LRGUK: variants seen among roughly 807,000 people sequenced by gnomAD.
The protein encoded by LRGUK is leucine rich repeats and guanylate kinase domain containing, also known as leucine-rich repeat and guanylate kinase domain-containing protein.
Under a neutral mutation model 76.0 loss-of-function variants are expected in LRGUK, and 65 were observed. That is an observed-to-expected ratio of 0.85 (90% confidence interval 0.70 to 1.05). The LOEUF (loss-of-function observed/expected upper bound fraction) is 1.05. Among genes scored for constraint, LRGUK ranks in the 50% least tolerant of loss-of-function variants. The probability of loss-of-function intolerance (pLI) is 0.00; values close to 1 mark genes in which losing one functional copy is unlikely to be tolerated. For missense variants in LRGUK, 758 were observed against 732.8 expected (o/e 1.03, Z -0.40); for synonymous variants, 268 against 265.6 (o/e 1.01, Z -0.09).
intron 5 of LRGUK, among the ~76,000 whole-genome samples, chr7:134,155,193 A>G (rs1466280193): frequency 6.6e-6 from 1 of 152,176 alleles, no homozygotes; most frequent in African/African-American, 2.4e-5. Context: ...GCCTGCTCCA[A>G]GGGTATTTTA....
intron 19 of LRGUK, among the ~76,000 whole-genome samples, chr7:134,261,567 C>T (rs1003906805): frequency 2.3e-4 from 35 of 152,192 alleles, no homozygotes; most frequent in Admixed American, 5.9e-4. Flanking sequence ...TGGCAAGTCT[C>T]AAGTCTCTGC....
intron 10 of LRGUK, 95 bp from the exon 11 acceptor site, chr7:134,183,639 C>A (rs1032380073): frequency 1.4e-6 from 2 of 1,403,582 alleles, no homozygotes; most frequent in Non-Finnish European, 2.0e-6. Flanking sequence ...ATAGCAAGTG[C>A]TCATTTAGCC....
At chr7:134,253,015 C>T (rs1802485342) in intron 18 of LRGUK, among the ~76,000 whole-genome samples, 1 of 152,180 alleles carries the variant, frequency 6.6e-6, no homozygotes, top group African/African-American at 2.4e-5. Flanking sequence ...GACCCAATTG[C>T]ATCAGCCTTT....
chr7:134,159,566 GGATC>G (rs1798634245), intron 6 of LRGUK, among the ~76,000 whole-genome samples: 1 of 152,030 alleles, frequency 6.6e-6, no homozygotes, highest in Non-Finnish European at 1.5e-5. Context: ...TAAGGCGGGT[GGATC>G]ATGAGGTCAG....
the LRGUK span, among the ~76,000 whole-genome samples, chr7:134,270,289 C>G: frequency 6.6e-6 from 1 of 151,996 alleles, no homozygotes; most frequent in Non-Finnish European, 1.5e-5. Flanking sequence ...TAGCAATGAG[C>G]CTTTGGAAAC....
At chr7:134,143,006 C>G (rs916996260) in intron 3 of LRGUK, 56 bp from the exon 4 acceptor site, 13 of 907,682 alleles carry the variant, frequency 1.4e-5, no homozygotes, top group Non-Finnish European at 2.2e-5. Flanking sequence ...GTTTTTAATG[C>G]CTTTGTCTTG....
At chr7:134,209,141 C>T (rs1267579994) in exon 16 of LRGUK, 1 of 399,168 alleles carries the variant, frequency 2.5e-6, no homozygotes. Flanking sequence ...TCCTGTGCAC[C>T]CTTCCCCTCC....
chr7:134,192,046 T>C (rs1227795804), intron 12 of LRGUK, among the ~76,000 whole-genome samples: 2 of 152,216 alleles, frequency 1.3e-5, no homozygotes, highest in Non-Finnish European at 2.9e-5. Context: ...TCTGTGCTTA[T>C]CAGTTGCTGC....
At chr7:134,179,600 G>A (rs1799651374) in intron 10 of LRGUK, among the ~76,000 whole-genome samples, 1 of 152,126 alleles carries the variant, frequency 6.6e-6, no homozygotes, top group Admixed American at 6.5e-5. Flanking sequence ...CAAAAGAGGG[G>A]CATTTATCTC....
At chr7:134,145,693 A>G (rs1238962606) in intron 4 of LRGUK, among the ~76,000 whole-genome samples, 1 of 152,184 alleles carries the variant, frequency 6.6e-6, no homozygotes, top group Non-Finnish European at 1.5e-5. Flanking sequence ...CCACTGTCTG[A>G]GACCCCATGG....
chr7:134,174,239 T>C (rs899929610), intron 7 of LRGUK, among the ~76,000 whole-genome samples: 1 of 152,018 alleles, frequency 6.6e-6, no homozygotes, highest in African/African-American at 2.4e-5. Flanking sequence ...CTTGGGTGCA[T>C]TTTTGTACTG....
chr7:134,248,481 A>C (rs902459613), intron 17 of LRGUK, among the ~76,000 whole-genome samples: 12 of 152,252 alleles, frequency 7.9e-5, no homozygotes, highest in African/African-American at 2.9e-4. Flanking sequence ...ACTTGCATAC[A>C]GCACATATGA....
intron 10 of LRGUK, among the ~76,000 whole-genome samples, chr7:134,178,934 A>AAAAAAAAAAAAAAAAAAAAAAAAACC (rs376955591): frequency 1.3e-5 from 1 of 78,164 alleles, no homozygotes; most frequent in African/African-American, 5.3e-5. Flanking sequence ...CTCAAAAAAA[A>AAAAAAAAAAAAAAAAAAAAAAAAACC]AAAAAAAAAA....
At position 134,252,716 on chromosome 7, in the gene LRGUK, A is replaced by C. The variant is rs1215586632; in HGVS notation, c.2198+3640A>C. On this transcript the variant is annotated intron_variant, in intron 18 of 19. Coordinates refer to the LRGUK transcript ENST00000285928. ...GAGCTGGGTTTGGATTCCCAAGTGCACCAGTGCTGTGGCCTCTGCTTGCCA... is the reference window on the plus strand; with the variant it reads ...GAGCTGGGTTTGGATTCCCAAGTGCCCCAGTGCTGTGGCCTCTGCTTGCCA... Among the ~76,000 whole-genome samples the C allele has an allele frequency of 3.3e-5, 5 of 152,284 alleles. 1 individual carries two copies. The South Asian group carries it at 6.2e-4, about 19-fold the overall frequency.
At chr7:134,175,893 CAA>C (rs1289103732) in intron 8 of LRGUK, among the ~76,000 whole-genome samples, 10 of 151,888 alleles carry the variant, frequency 6.6e-5, no homozygotes, top group African/African-American at 2.4e-4. Flanking sequence ...TTATTACAAA[CAA>C]ATTCATAATA....
chr7:134,128,271 T>G (rs1466045319), intron 1 of LRGUK, among the ~76,000 whole-genome samples: 1 of 152,224 alleles, frequency 6.6e-6, no homozygotes, highest in East Asian at 1.9e-4. Context: ...CAGCTCATTG[T>G]GGGAATATTT....
intron 18 of LRGUK, among the ~76,000 whole-genome samples, chr7:134,255,276 T>C (rs1802548888): frequency 6.7e-6 from 1 of 150,022 alleles, no homozygotes; most frequent in African/African-American, 2.5e-5. Context: ...AATTTATAAC[T>C]ACTACCCGGC....
intron 5 of LRGUK, among the ~76,000 whole-genome samples, chr7:134,154,614 C>T (rs73437270): frequency 0.13 from 19,743 of 152,258 alleles, 1,623 homozygotes; most frequent in East Asian, 0.32. Context: ...AGCTGAGAAA[C>T]AGGAGGAAAT....
chr7:134,157,922 C>T (rs1011674954), intron 5 of LRGUK, 113 bp from the exon 6 acceptor site: 50 of 771,910 alleles, frequency 6.5e-5, no homozygotes, highest in East Asian at 5.2e-4. Flanking sequence ...GGCATATAAT[C>T]GTTCTTTATT....
Sources: gnomAD v4.1 joint callset for allele counts (sites outside exome capture counted in the v4.1 genomes callset) on GRCh38, gnomAD v4.1.1 for gene constraint, MANE v1.5 for transcripts, NCBI Gene and HGNC (gene_info 2026-07-23, HGNC 2026-07-21) for gene names.